The following ARHGAP44 variants were observed in gnomAD, a reference collection of about 807,000 sequenced individuals.
ARHGAP44 encodes Rho GTPase activating protein 44, also known as rho GTPase-activating protein 44.
In ARHGAP44, 43 loss-of-function variants were observed where a neutral mutation model predicts 106.8. The ratio of observed to expected loss-of-function variants is 0.40; its 90% CI spans 0.32 to 0.52. The LOEUF is 0.52. Among genes scored for constraint, ARHGAP44 ranks in the 20% least tolerant of loss-of-function variants. The pLI, the probability that ARHGAP44 is intolerant of heterozygous loss-of-function variation, is 0.48. For synonymous variants in ARHGAP44, 439 were observed against 410.3 expected (o/e 1.07, Z -0.85); for missense variants, 866 against 1,050.5 (o/e 0.82, Z 2.43).
At chr17:12,841,453 G>A (rs2035389136) in intron 1 of ARHGAP44, among the ~76,000 whole-genome samples, 2 of 151,864 alleles carry the variant, frequency 1.3e-5, no homozygotes, top group Non-Finnish European at 2.9e-5. Flanking sequence ...AGGTGTGGTG[G>A]TGTGTGCTGT....
intron 7 of ARHGAP44, among the ~76,000 whole-genome samples, chr17:12,934,225 G>A (rs1288854438): frequency 6.6e-6 from 1 of 152,036 alleles, no homozygotes; most frequent in Non-Finnish European, 1.5e-5. Context: ...CTTTTAGTTT[G>A]TATCTCTTCT....
At chr17:12,871,905 T>C (rs2150883886) in intron 1 of ARHGAP44, among the ~76,000 whole-genome samples, 1 of 152,318 alleles carries the variant, frequency 6.6e-6, no homozygotes, top group Non-Finnish European at 1.5e-5. Flanking sequence ...GCCAGCATCA[T>C]GCTTCCTCTA....
At chr17:12,883,077 T>G (rs1427660839) in intron 1 of ARHGAP44, among the ~76,000 whole-genome samples, 1 of 151,900 alleles carries the variant, frequency 6.6e-6, no homozygotes, top group African/African-American at 2.4e-5. Flanking sequence ...AATTACTGGT[T>G]TAATTTCTTT....
chr17:12,863,875 T>G (rs1383694095), intron 1 of ARHGAP44, among the ~76,000 whole-genome samples: 3 of 152,234 alleles, frequency 2.0e-5, no homozygotes, highest in Non-Finnish European at 4.4e-5. Flanking sequence ...TGGGCTTAAA[T>G]GCTGGGGCTG....
intron 1 of ARHGAP44, among the ~76,000 whole-genome samples, chr17:12,867,797 A>G (rs780875381): frequency 6.6e-6 from 1 of 152,226 alleles, no homozygotes; most frequent in African/African-American, 2.4e-5. Flanking sequence ...ATTAGATGCT[A>G]TTCGACCAGG....
At chr17:12,839,471 T>C (rs1201728818) in intron 1 of ARHGAP44, among the ~76,000 whole-genome samples, 1 of 152,224 alleles carries the variant, frequency 6.6e-6, no homozygotes, top group Non-Finnish European at 1.5e-5. Context: ...AGTTCATTCT[T>C]AAGAAAACAC....
At chr17:12,931,862 A>G (rs2038412588) in intron 7 of ARHGAP44, among the ~76,000 whole-genome samples, 1 of 151,524 alleles carries the variant, frequency 6.6e-6, no homozygotes. Context: ...ACACACACAC[A>G]CACACACACA....
intron 10 of ARHGAP44, 66 bp downstream of exon 10, chr17:12,944,262 G>C: frequency 2.0e-6 from 3 of 1,522,578 alleles, no homozygotes; most frequent in Non-Finnish European, 2.6e-6. Flanking sequence ...AGAGCTTACA[G>C]GATCCTCTCT....
chr17:12,789,965 G>A (rs2033684994), intron 1 of ARHGAP44, 74 bp downstream of exon 1: 9 of 1,371,506 alleles, frequency 6.6e-6, no homozygotes, highest in Middle Eastern at 3.9e-4. Flanking sequence ...AGGTGATGGA[G>A]CCCGCCCAGC....
In ARHGAP44 at chr17:12,928,863, A is replaced by G. The variant is rs539520799; in HGVS notation, c.465-66A>G. 64 of 1,372,714 alleles carry G rather than the reference A, an allele frequency of 4.7e-5. No homozygotes were observed. In the African/African-American group the frequency reaches 8.6e-4, roughly 19 times the overall value. The allele number at this position is 1,372,714 out of a possible 1,614,324, so 85.0% of individuals were successfully genotyped here. A position where few individuals can be genotyped will look rare whatever the true frequency, so the allele number is the denominator to read the frequency against. On this transcript the variant is annotated intron_variant, in intron 6 of 20. Coordinates refer to ENST00000379672, the MANE Select transcript of ARHGAP44 (RefSeq NM_014859.6). ...GATATTTGTAACCAGATGTTTTCTC[A>G]GTGCTCCCATGGGATCCCCAGGGCT...
intron 16 of ARHGAP44, among the ~76,000 whole-genome samples, chr17:12,961,500 C>T (rs559780643): frequency 1.3e-5 from 2 of 152,184 alleles, no homozygotes; most frequent in Non-Finnish European, 2.9e-5. Context: ...TTTGGGAGGC[C>T]AAGGCAGGTG....
chr17:12,892,846 TTTC>T (rs2037088744), intron 1 of ARHGAP44, among the ~76,000 whole-genome samples: 2 of 152,188 alleles, frequency 1.3e-5, no homozygotes, highest in East Asian at 1.9e-4. Context: ...AAAATTTTTG[TTTC>T]TTCTTTATAT....
In ARHGAP44 at chr17:12,791,878, C is replaced by A. The variant is rs150447818; in HGVS notation, c.53+1987C>A. The stretch of plus-strand genomic sequence containing the variant: ...TGTTGTGCACTGGGCCAGGTGAGGG[C>A]CAGCCTGTATCGCTTTTGATGAAAT... On this transcript the variant is annotated intron_variant, in intron 1 of 20. Coordinates refer to ENST00000379672, the MANE Select transcript of ARHGAP44 (RefSeq NM_014859.6). Among the ~76,000 whole-genome samples the A allele has an allele frequency of 1.2e-4, 19 of 152,242 alleles. No individual in the cohort carries two copies. The East Asian group carries it at 3.7e-3, about 29-fold the overall frequency.
chr17:12,790,399 T>TC (rs1294799480), intron 1 of ARHGAP44: 1 of 154,310 alleles, frequency 6.5e-6, no homozygotes, highest in African/African-American at 2.4e-5. Flanking sequence ...ACTATGACTG[T>TC]ACGAGATTCT....
chr17:12,941,182 G>A, intron 8 of ARHGAP44, 58 bp downstream of exon 8: 1 of 1,511,276 alleles, frequency 6.6e-7, no homozygotes, highest in Non-Finnish European at 9.2e-7. Flanking sequence ...AGGGAATGTG[G>A]GCATGGAATT....
intron 15 of ARHGAP44, among the ~76,000 whole-genome samples, chr17:12,957,762 A>G (rs2039165791): frequency 1.3e-5 from 2 of 152,226 alleles, no homozygotes; most frequent in African/African-American, 4.8e-5. Context: ...ATCTGCTTAA[A>G]AACATAATAA....
chr17:12,989,101 C>CGAAAAAAAAAAAA (rs1598173210), intron 20 of ARHGAP44, among the ~76,000 whole-genome samples: 917 of 45,140 alleles, frequency 0.02, 52 homozygotes, highest in Middle Eastern at 0.03. Context: ...CCACCCCCCC[C>CGAAAAAAAAAAAA]AAAAAAAAAA....
chr17:12,829,481 A>G (rs1304221373), intron 1 of ARHGAP44, among the ~76,000 whole-genome samples: 3 of 152,028 alleles, frequency 2.0e-5, no homozygotes, highest in Admixed American at 6.6e-5. Context: ...ATTTATCCCC[A>G]TATTAGTATA....
At chr17:12,860,101 G>T (rs905632710) in intron 1 of ARHGAP44, among the ~76,000 whole-genome samples, 1 of 150,592 alleles carries the variant, frequency 6.6e-6, no homozygotes, top group Non-Finnish European at 1.5e-5. Context: ...ATGCCCACAA[G>T]TGAGTTACTT....
Sources: gnomAD v4.1 joint callset for allele counts (sites outside exome capture counted in the v4.1 genomes callset) on GRCh38, gnomAD v4.1.1 for gene constraint, MANE v1.5 for transcripts, NCBI Gene and HGNC (gene_info 2026-07-23, HGNC 2026-07-21) for gene names.